The following ARHGEF12 variants were observed in gnomAD, a reference collection of about 807,000 sequenced individuals.
ARHGEF12 encodes Rho guanine nucleotide exchange factor 12.
In ARHGEF12, 66 loss-of-function variants were observed where a neutral mutation model predicts 211.2. That is an observed-to-expected ratio of 0.31 (90% CI 0.26 to 0.38). The LOEUF (loss-of-function observed/expected upper bound fraction) is 0.38, where lower values mean the gene tolerates loss of function less well. ARHGEF12 is among the 10% of genes least tolerant of loss of function. The pLI, the probability that ARHGEF12 is intolerant of heterozygous loss-of-function variation, is 1.00. For synonymous variants in ARHGEF12, 592 were observed against 638.4 expected, an observed-to-expected ratio of 0.93 and a Z score of 1.09; for missense variants, 1,429 against 1,869.5, an observed-to-expected ratio of 0.76 and a Z score of 4.34.
At chr11:120,408,103 G>T in intron 3 of ARHGEF12, 2 of 268,356 alleles carry the variant, frequency 7.5e-6, no homozygotes, top group Non-Finnish European at 6.9e-6. Context: ...TGGAGATTTG[G>T]TCAGATCAAG....
intron 1 of ARHGEF12, among the ~76,000 whole-genome samples, chr11:120,350,808 T>C (rs1942911637): frequency 1.3e-5 from 2 of 152,168 alleles, no homozygotes; most frequent in South Asian, 4.1e-4. Context: ...TTTTAGTCAC[T>C]ACTTGAAGGA....
intron 31 of ARHGEF12, 22 bp from the exon 32 acceptor site, chr11:120,474,538 A>G (rs1946970417): frequency 6.3e-7 from 1 of 1,580,586 alleles, no homozygotes; most frequent in Non-Finnish European, 8.7e-7. Context: ...TTATTTGTGC[A>G]TGATTTTCTT....
chr11:120,465,848 A>T (rs1044747615), intron 28 of ARHGEF12, among the ~76,000 whole-genome samples: 4 of 152,264 alleles, frequency 2.6e-5, no homozygotes, highest in Non-Finnish European at 5.9e-5. Flanking sequence ...AGAATAATAA[A>T]AAATATATGT....
chr11:120,424,455 ACCCTTAAAGTAAGGAGCAGCAAATTTC>A (rs771137630), intron 7 of ARHGEF12, 40 bp downstream of exon 7: 5 of 1,584,814 alleles, frequency 3.2e-6, no homozygotes, highest in Admixed American at 3.3e-5. Context: ...GTTTTCTGAA[ACCCTTAAAGTAAGGAGCAGCAAATTTC>A]CTGTAATAGG....
At chr11:120,431,971 A>G in intron 11 of ARHGEF12, 60 bp downstream of exon 11, 1 of 1,451,494 alleles carries the variant, frequency 6.9e-7, no homozygotes, top group Non-Finnish European at 9.2e-7. Context: ...GCCCCTTTCT[A>G]GATTTGATTT....
At chr11:120,478,457 A>G in intron 37 of ARHGEF12, 68 bp downstream of exon 37, 1 of 1,363,034 alleles carries the variant, frequency 7.3e-7, no homozygotes, top group African/African-American at 1.4e-5. Flanking sequence ...TCCCTAAAGT[A>G]TGTGGATTTA....
intron 1 of ARHGEF12, chr11:120,385,440 G>A: frequency 1.0e-6 from 1 of 985,348 alleles, no homozygotes; most frequent in Non-Finnish European, 1.2e-6. Context: ...CCATGGAAAC[G>A]AGCCTTTTGA....
intron 1 of ARHGEF12, among the ~76,000 whole-genome samples, chr11:120,396,185 G>T (rs924589069): frequency 6.6e-6 from 1 of 152,128 alleles, no homozygotes; most frequent in African/African-American, 2.4e-5. Flanking sequence ...CGTAGTATTG[G>T]ATTAGAACTC....
Position 120,480,257 on chromosome 11 carries a change from T to C in ARHGEF12, c.4064T>C (p.Val1355Ala). Reference sequence around the variant, plus strand: ...GATAGCCAGGCAAGTAACATTTTAGTAATGGACCACATGATTATGACCCCA... The same window carrying C: ...GATAGCCAGGCAAGTAACATTTTAGCAATGGACCACATGATTATGACCCCA... ...PQDSQASNIL[V>A]MDHMIMTPEM... is the part of the protein sequence containing the mutation. The change falls in exon 38 of 41, where the codon GTA becomes GCA. Residue 1355 changes from valine (V) to alanine (A), a missense_variant. Transcript: ENST00000397843. 5.0e-6 allele frequency: 8 copies of C among 1,614,102 alleles called. No homozygotes were observed. Among genetic ancestry groups the C allele is most frequent in the Non-Finnish European group, 6.8e-6 (8 of 1,180,014 alleles).
chr11:120,421,924 T>C, intron 6 of ARHGEF12, 72 bp downstream of exon 6: 1 of 1,188,688 alleles, frequency 8.4e-7, no homozygotes, highest in Non-Finnish European at 1.2e-6. Flanking sequence ...TTCTGATTTT[T>C]TTCACTTGGA....
intron 22 of ARHGEF12, among the ~76,000 whole-genome samples, chr11:120,456,823 A>G (rs114481546): frequency 1.0e-3 from 159 of 152,288 alleles, no homozygotes; most frequent in African/African-American, 3.8e-3. Context: ...GCAAAACCCT[A>G]TCTCTACAAA....
chr11:120,483,151 C>T (rs1349942911), intron 39 of ARHGEF12, among the ~76,000 whole-genome samples: 2 of 151,966 alleles, frequency 1.3e-5, no homozygotes, highest in Non-Finnish European at 2.9e-5. Context: ...ATATGGAAAG[C>T]CAAATCTCTC....
rs917486972 is a variant in ARHGEF12 at position 120,336,988 on chromosome 11, C to G, written c.-256C>G. 5.0e-5 allele frequency: 25 copies of G among 502,372 alleles called. No homozygotes were observed. In the Middle Eastern group the frequency reaches 1.5e-3, roughly 30 times the overall value. The allele number at this position is 502,372 out of a possible 1,614,324, so 31.1% of individuals were successfully genotyped here. A position where few individuals can be genotyped will look rare whatever the true frequency, so the allele number is the denominator to read the frequency against. Reference sequence around the variant, plus strand: ...TATCCTTGTGCCTTCTGGAGGATTTCTCTCTAGCTCGACTCACTCTGGACT... The same window carrying G: ...TATCCTTGTGCCTTCTGGAGGATTTGTCTCTAGCTCGACTCACTCTGGACT... On this transcript the variant is annotated 5_prime_UTR_variant, in exon 1 of 41. Coordinates refer to ENST00000397843, the MANE Select transcript of ARHGEF12 (RefSeq NM_015313.3).
chr11:120,446,788 A>AT (rs1423134813), intron 17 of ARHGEF12, among the ~76,000 whole-genome samples, 160 bp from the exon 18 acceptor site: 6 of 151,916 alleles, frequency 3.9e-5, no homozygotes, highest in Non-Finnish European at 8.8e-5. Context: ...TGCTTCTAGA[A>AT]TTTTTTCCTC....
chr11:120,358,584 A>G (rs1336489074), intron 1 of ARHGEF12, among the ~76,000 whole-genome samples: 3 of 152,332 alleles, frequency 2.0e-5, no homozygotes, highest in Admixed American at 6.5e-5. Flanking sequence ...ACTATCCACT[A>G]TGGTAACCAC....
At chr11:120,394,309 C>T (rs1008177874) in intron 1 of ARHGEF12, among the ~76,000 whole-genome samples, 1 of 151,534 alleles carries the variant, frequency 6.6e-6, no homozygotes, top group African/African-American at 2.4e-5. Flanking sequence ...ACCTCCTGGG[C>T]TCAGGCTGTC....
intron 12 of ARHGEF12, chr11:120,438,667 A>G (rs552304757): frequency 2.0e-5 from 3 of 152,204 alleles, no homozygotes; most frequent in Non-Finnish European, 4.4e-5. Flanking sequence ...CTCTCAAATC[A>G]TAGGCCTACC....
Position 120,484,441 on chromosome 11 carries a change from G to A in ARHGEF12, c.4558G>A (p.Val1520Met), listed in dbSNP as rs769625980. The change falls in exon 40 of 41, where the codon GTG becomes ATG. Residue 1520 changes from valine (V) to methionine (M), a missense_variant. Around this residue, in one of 7 missense-constraint regions of ARHGEF12, gnomAD observed 467 missense variants for 468.4 expected, o/e 1.00. Coordinates refer to ENST00000397843, the MANE Select transcript of ARHGEF12 (RefSeq NM_015313.3). Reference protein sequence around the residue: ...IEADLEHLKKVEESYTILCQR... With the variant: ...IEADLEHLKKMEESYTILCQR... ...ACCTATGGGTTTTATTTCACAGAAG[G>A]TGGAGGAAAGTTACACCATTCTTTG... 2 of 1,613,812 alleles carry A rather than the reference G, an allele frequency of 1.2e-6. No homozygotes were observed. The highest frequency in any genetic ancestry group is 1.1e-5 in the South Asian group (1 of 91,018).
chr11:120,417,683 T>A (rs1002139740), intron 4 of ARHGEF12, among the ~76,000 whole-genome samples: 1 of 151,884 alleles, frequency 6.6e-6, no homozygotes, highest in African/African-American at 2.4e-5. Flanking sequence ...CCAGGCTGAT[T>A]TTGTTTTATC....
Sources: allele counts gnomAD v4.1 joint callset (sites outside exome capture counted in the v4.1 genomes callset), GRCh38; gene constraint gnomAD v4.1.1; regional missense constraint gnomAD v4.1.1; transcripts MANE v1.5; gene names NCBI Gene and HGNC (gene_info 2026-07-23, HGNC 2026-07-21).